INVS: variants seen among roughly 807,000 people sequenced by gnomAD.
INVS encodes inversin, also known as inversion of embryo turning homolog.
INVS carries 86 observed loss-of-function variants against 108.8 expected under a neutral mutation model. That is an observed-to-expected ratio of 0.79 (90% CI 0.66 to 0.95). INVS has a LOEUF of 0.95. Among genes scored for constraint, INVS ranks in the 40% least tolerant of loss-of-function variants. The probability of loss-of-function intolerance (pLI) is 0.00; values close to 1 mark genes in which losing one functional copy is unlikely to be tolerated. For synonymous variants in INVS, 455 were observed against 473.5 expected (o/e 0.96, Z 0.51); for missense variants, 1,169 against 1,297.4 (o/e 0.90, Z 1.52).
chr9:100,229,896 A>T (rs1382113941), intron 5 of INVS, 69 bp downstream of exon 5: 7 of 1,444,066 alleles, frequency 4.8e-6, no homozygotes, highest in Non-Finnish European at 6.7e-6. Flanking sequence ...TTTAATATAT[A>T]CAAAAGTGTA....
At chr9:100,112,545 C>G (rs921564604) in intron 2 of INVS, among the ~76,000 whole-genome samples, 3 of 151,948 alleles carry the variant, frequency 2.0e-5, no homozygotes, top group African/African-American at 4.8e-5. Context: ...CTGCTTTGAC[C>G]CTGAGGAGCC....
intron 3 of INVS, among the ~76,000 whole-genome samples, chr9:100,157,637 A>C (rs1293720012): frequency 6.6e-6 from 1 of 152,234 alleles, no homozygotes; most frequent in African/African-American, 2.4e-5. Context: ...AAACATTTTC[A>C]CAAGAGGCAT....
At chr9:100,186,485 G>C (rs1830059726) in intron 3 of INVS, among the ~76,000 whole-genome samples, 1 of 152,048 alleles carries the variant, frequency 6.6e-6, no homozygotes, top group African/African-American at 2.4e-5. Flanking sequence ...CCTGCCAGCA[G>C]CATATAAAGT....
At chr9:100,270,007 T>C (rs1588136191) in intron 11 of INVS, among the ~76,000 whole-genome samples, 1 of 152,208 alleles carries the variant, frequency 6.6e-6, no homozygotes, top group East Asian at 1.9e-4. Flanking sequence ...CGTATTACAT[T>C]GTTTAACAGA....
At chr9:100,142,479 AG>A (rs1033116076) in intron 3 of INVS, among the ~76,000 whole-genome samples, 3 of 152,172 alleles carry the variant, frequency 2.0e-5, no homozygotes, top group African/African-American at 7.2e-5. Context: ...ACAGGAAAGA[AG>A]GAAATACGGG....
At chr9:100,300,092 T>C (rs1833917927) in intron 16 of INVS, among the ~76,000 whole-genome samples, 1 of 152,212 alleles carries the variant, frequency 6.6e-6, no homozygotes, top group Non-Finnish European at 1.5e-5. Flanking sequence ...TGGCATCCTA[T>C]ACATTTGTTA....
chr9:100,100,975 ATAT>A (rs1351944043), intron 1 of INVS, among the ~76,000 whole-genome samples: 4 of 75,180 alleles, frequency 5.3e-5, no homozygotes, highest in African/African-American at 2.0e-4. Context: ...AATATATATT[ATAT>A]ATATAATATA....
At chr9:100,105,668 A>T (rs1402520649) in intron 2 of INVS, among the ~76,000 whole-genome samples, 2 of 152,128 alleles carry the variant, frequency 1.3e-5, no homozygotes, top group South Asian at 4.2e-4. Context: ...CTACCATTCA[A>T]CTAAAACTCT....
chr9:100,234,792 T>A (rs118116769), intron 5 of INVS, among the ~76,000 whole-genome samples: 426 of 152,294 alleles, frequency 2.8e-3, no homozygotes, highest in Non-Finnish European at 5.2e-3. Context: ...AATTACGTGG[T>A]CAATTTTAGA....
Position 100,302,127 on chromosome 9 carries a change from G to GTCTT in INVS, c.*1455_*1458dup, listed in dbSNP as rs1349899143. ...TTAATGACAAAGATCTATTACATCA[G>GTCTT]TCTTTTTCTTCAAATAAGATAGATG... On this transcript the variant is annotated 3_prime_UTR_variant, in exon 17 of 17. Coordinates refer to ENST00000262457, the MANE Select transcript of INVS (RefSeq NM_014425.5). The GTCTT allele has an allele frequency of 1.0e-5, 10 of 965,758 alleles. No individual in the cohort carries two copies. Among genetic ancestry groups the GTCTT allele is most frequent in the Non-Finnish European group, 1.5e-5 (10 of 662,666 alleles). 59.8% of individuals were successfully genotyped at this position (965,758 alleles called of 1,614,324 possible).
chr9:100,220,685 T>C (rs1393169645), intron 3 of INVS, among the ~76,000 whole-genome samples: 1 of 152,212 alleles, frequency 6.6e-6, no homozygotes, highest in Non-Finnish European at 1.5e-5. Context: ...TGTATAGCTC[T>C]AACAGGTTAT....
chr9:100,245,549 G>C (rs1832017799), intron 7 of INVS, among the ~76,000 whole-genome samples: 1 of 152,030 alleles, frequency 6.6e-6, no homozygotes, highest in African/African-American at 2.4e-5. Context: ...CAAAGTGCTG[G>C]GATTACAGGC....
intron 10 of INVS, among the ~76,000 whole-genome samples, chr9:100,258,456 G>T (rs1251628781): frequency 1.3e-5 from 2 of 152,150 alleles, no homozygotes; most frequent in Non-Finnish European, 1.5e-5. Context: ...TGCTAGCGAG[G>T]AGCTGTGTTC....
At position 100,274,421 on chromosome 9, in the gene INVS, T is replaced by G. The variant is rs756700752; in HGVS notation, c.1784+1345T>G. ...AGGTTTGCCTTTTCTTTGATAGATA[T>G]GTTGGGTAGAAGTATTTCAAATAGC... On this transcript the variant is annotated intron_variant, in intron 12 of 16. Transcript: ENST00000262457. Among the ~76,000 whole-genome samples the G allele has an allele frequency of 1.2e-3, 190 of 152,212 alleles. 1 individual carries two copies. Among genetic ancestry groups the G allele is most frequent in the Non-Finnish European group, 1.1e-3 (76 of 68,036 alleles).
chr9:100,117,469 G>T, intron 2 of INVS: 1 of 783,188 alleles, frequency 1.3e-6, no homozygotes. Flanking sequence ...CCTTATCCTC[G>T]GCCTTGCCTT....
intron 1 of INVS, among the ~76,000 whole-genome samples, chr9:100,100,225 A>G (rs1019986772): frequency 6.6e-6 from 1 of 151,610 alleles, no homozygotes; most frequent in African/African-American, 2.4e-5. Context: ...CAAAAAATAC[A>G]TTTTTTCTTA....
intron 2 of INVS, among the ~76,000 whole-genome samples, chr9:100,124,751 GTTGA>G (rs1260795144): frequency 6.6e-6 from 1 of 152,098 alleles, no homozygotes; most frequent in Non-Finnish European, 1.5e-5. Context: ...GTCAGTGCCT[GTTGA>G]TTATCTTTTC....
rs10527613 is a variant in INVS, at chr9:100,301,139, TCACACACACACACACACACACACACACA to T, written c.*478_*505del. The stretch of plus-strand genomic sequence containing the variant: ...CCTGGCATCTAATGCAACAAACTTA[TCACACACACACACACACACACACACACA>T]CACACACACACATATCACGTCCCAC... On this transcript the variant is annotated 3_prime_UTR_variant, in exon 17 of 17. Coordinates refer to ENST00000262457, the MANE Select transcript of INVS (RefSeq NM_014425.5). 1.2e-5 allele frequency: 2 copies of T among 167,484 alleles called. No homozygotes were observed. The highest frequency in any genetic ancestry group is 7.2e-5 in the African/African-American group (2 of 27,638). 10.4% of individuals were successfully genotyped at this position (167,484 alleles called of 1,614,324 possible). A position where few individuals can be genotyped will look rare whatever the true frequency, so the allele number is the denominator to read the frequency against.
At chr9:100,220,974 C>A (rs1425408071) in intron 3 of INVS, among the ~76,000 whole-genome samples, 51 of 140,916 alleles carry the variant, frequency 3.6e-4, no homozygotes, top group Admixed American at 3.6e-4. Context: ...GACTCTGTCC[C>A]AAAAAAAAAA....
Sources: gnomAD v4.1 joint callset for allele counts (sites outside exome capture counted in the v4.1 genomes callset) on GRCh38, gnomAD v4.1.1 for gene constraint, MANE v1.5 for transcripts, NCBI Gene and HGNC (gene_info 2026-07-23, HGNC 2026-07-21) for gene names.